Variants in BRMS1L observed in about 807,000 individuals in gnomAD.
BRMS1L encodes breast cancer metastasis-suppressor 1-like protein.
BRMS1L carries 23 observed loss-of-function variants against 50.3 expected under a neutral mutation model. The ratio of observed to expected loss-of-function variants is 0.46; its 90% CI spans 0.33 to 0.65. BRMS1L has a LOEUF of 0.65. Ranked by LOEUF, BRMS1L falls within the 30% of genes least tolerant of loss-of-function variation. BRMS1L has a pLI of 0.02. For synonymous variants in BRMS1L, 114 were observed against 126.9 expected, an observed-to-expected ratio of 0.90 and a Z score of 0.69; for missense variants, 286 against 386.1, an observed-to-expected ratio of 0.74 and a Z score of 2.17.
chr14:35,838,533 CTGT>C (rs1225446172), intron 4 of BRMS1L, among the ~76,000 whole-genome samples: 4 of 152,184 alleles, frequency 2.6e-5, no homozygotes, highest in African/African-American at 4.8e-5. Context: ...TCTCCAGCAT[CTGT>C]TGTTTCCTGA....
intron 1 of BRMS1L, among the ~76,000 whole-genome samples, chr14:35,830,422 A>G (rs777947545): frequency 6.6e-6 from 1 of 151,818 alleles, no homozygotes; most frequent in Non-Finnish European, 1.5e-5. Flanking sequence ...GGCTGGCGCA[A>G]TCTTGGCTCA....
intron 4 of BRMS1L, 29 bp downstream of exon 4, chr14:35,834,952 TA>T: frequency 4.5e-6 from 7 of 1,551,848 alleles, no homozygotes; most frequent in Non-Finnish European, 6.1e-6. Context: ...ACTTTTAAGC[TA>T]ATTTCATCTC....
intron 5 of BRMS1L, 26 bp from the exon 6 acceptor site, chr14:35,863,844 A>G (rs1291084048): frequency 6.3e-7 from 1 of 1,597,380 alleles, no homozygotes; most frequent in Non-Finnish European, 8.5e-7. Flanking sequence ...AAACCCACTA[A>G]TACTTAATCT....
At chr14:35,826,729 G>A in intron 1 of BRMS1L, 71 bp downstream of exon 1, 1 of 1,576,362 alleles carries the variant, frequency 6.3e-7, no homozygotes, top group Non-Finnish European at 8.6e-7. Flanking sequence ...CGCACGCCAG[G>A]CGGCTGCGTC....
chr14:35,845,662 C>T (rs995831350), intron 4 of BRMS1L, among the ~76,000 whole-genome samples: 1 of 152,180 alleles, frequency 6.6e-6, no homozygotes, highest in Admixed American at 6.5e-5. Flanking sequence ...CTGTATTTTT[C>T]TCTTCCATAG....
At chr14:35,835,892 C>T (rs1431636030) in intron 4 of BRMS1L, among the ~76,000 whole-genome samples, 3 of 151,992 alleles carry the variant, frequency 2.0e-5, no homozygotes, top group African/African-American at 4.8e-5. Flanking sequence ...CCATAGTGCC[C>T]GTTTTGCAGA....
At chr14:35,827,938 C>T (rs902667068) in intron 1 of BRMS1L, among the ~76,000 whole-genome samples, 1 of 152,038 alleles carries the variant, frequency 6.6e-6, no homozygotes, top group Non-Finnish European at 1.5e-5. Context: ...GGGGCTTATT[C>T]AAAAGAGCGT....
At chr14:35,862,010 G>T (rs2415306) in intron 4 of BRMS1L, among the ~76,000 whole-genome samples, 53,226 of 151,970 alleles carry the variant, frequency 0.35, 13,040 homozygotes, top group African/African-American at 0.68. Context: ...CTTGTATGTT[G>T]TAGCAATTCA....
intron 1 of BRMS1L, chr14:35,826,907 C>A: frequency 1.9e-6 from 1 of 513,946 alleles, no homozygotes; most frequent in Non-Finnish European, 3.3e-6. Flanking sequence ...TGGTCCTGCC[C>A]CCGGTGGTGC....
In BRMS1L at chr14:35,857,303, A is replaced by G. The variant is rs545222036; in HGVS notation, c.442-5287A>G. ...TATATGTGTGTGTGTGTGTGTGTGT[A>G]TATATATATATGTTTGTTGTTAGTA... On this transcript the variant is annotated intron_variant, in intron 4 of 9. Transcript: ENST00000216807. 4.0e-3 allele frequency among the ~76,000 whole-genome samples: 457 copies of G among 114,676 alleles called. 3 individuals are homozygous for G. Among genetic ancestry groups the G allele is most frequent in the Middle Eastern group, 9.8e-3 (2 of 204 alleles). 75.2% of individuals were successfully genotyped at this position (114,676 alleles called of 152,430 possible). A position where few individuals can be genotyped will look rare whatever the true frequency, so the allele number is the denominator to read the frequency against.
intron 4 of BRMS1L, among the ~76,000 whole-genome samples, chr14:35,843,953 A>C (rs2142046301): frequency 6.6e-6 from 1 of 152,270 alleles, no homozygotes; most frequent in Admixed American, 6.5e-5. Context: ...GGCTCTGCCC[A>C]GTTGCAACTT....
intron 4 of BRMS1L, among the ~76,000 whole-genome samples, chr14:35,858,943 A>AT (rs199798027): frequency 3.9e-3 from 526 of 134,380 alleles, no homozygotes; most frequent in Middle Eastern, 0.012. Flanking sequence ...TATCTTACCC[A>AT]TTTTTTTTTT....
At chr14:35,867,759 T>C (rs566881680) in intron 8 of BRMS1L, 147 bp from the exon 9 acceptor site, 4 of 655,866 alleles carry the variant, frequency 6.1e-6, no homozygotes, top group Non-Finnish European at 8.9e-6. Flanking sequence ...AATAAATCTT[T>C]TTATTACATT....
chr14:35,844,672 G>C (rs528594497), intron 4 of BRMS1L, among the ~76,000 whole-genome samples: 2 of 152,274 alleles, frequency 1.3e-5, no homozygotes, highest in South Asian at 2.1e-4. Flanking sequence ...ACTTTCATGT[G>C]GTGATGCGCG....
intron 4 of BRMS1L, among the ~76,000 whole-genome samples, chr14:35,841,797 C>T (rs900103135): frequency 6.6e-6 from 1 of 152,050 alleles, no homozygotes; most frequent in African/African-American, 2.4e-5. Context: ...CTCACTATTA[C>T]TGTGTGGGAG....
At chr14:35,861,105 GA>G (rs2078345365) in intron 4 of BRMS1L, among the ~76,000 whole-genome samples, 1 of 152,070 alleles carries the variant, frequency 6.6e-6, no homozygotes, top group Non-Finnish European at 1.5e-5. Context: ...AACTTTCCAA[GA>G]AAAAGAAAGA....
rs1364743335 is a variant in BRMS1L at position 35,871,403 on chromosome 14, A to AT, written c.*933dup. 6.6e-6 allele frequency: 1 copy of AT among 152,546 alleles called. No homozygotes were observed. The highest frequency in any genetic ancestry group is 1.5e-5 in the Non-Finnish European group (1 of 68,022). The allele number at this position is 152,546 out of a possible 1,614,324, so 9.4% of individuals were successfully genotyped here. ...TCCTTGAATCTATTTCCAAATTAAT[A>AT]TTTTTTTCTTTGGTATTTCTACACT... is the stretch of plus-strand genomic sequence containing the variant. On this transcript the variant is annotated 3_prime_UTR_variant, in exon 10 of 10. Transcript: ENST00000216807.
intron 4 of BRMS1L, among the ~76,000 whole-genome samples, chr14:35,855,004 C>T (rs1002606248): frequency 6.6e-6 from 1 of 152,232 alleles, no homozygotes. Flanking sequence ...CAGAGACAGA[C>T]ATATTTCCCT....
intron 7 of BRMS1L, 104 bp from the exon 8 acceptor site, chr14:35,865,618 A>G: frequency 1.2e-6 from 1 of 853,466 alleles, no homozygotes; most frequent in Non-Finnish European, 1.8e-6. Context: ...TGTCTTTGTT[A>G]TGGAGTTAAT....
Sources: gnomAD v4.1 joint callset for allele counts (sites outside exome capture counted in the v4.1 genomes callset) on GRCh38, gnomAD v4.1.1 for gene constraint, MANE v1.5 for transcripts, NCBI Gene and HGNC (gene_info 2026-07-23, HGNC 2026-07-21) for gene names.